Variants in TMEM117 observed in about 807,000 individuals in gnomAD.
The protein encoded by TMEM117 is transmembrane protein 117.
TMEM117 carries 27 observed loss-of-function variants against 52.4 expected under a neutral mutation model. The ratio of observed to expected loss-of-function variants is 0.51; its 90% confidence interval spans 0.38 to 0.71. The LOEUF (loss-of-function observed/expected upper bound fraction) is 0.71. TMEM117 is among the 30% of genes least tolerant of loss of function. The probability of loss-of-function intolerance (pLI) is 0.00; values close to 1 mark genes in which losing one functional copy is unlikely to be tolerated. For missense variants in TMEM117, 556 were observed against 630.5 expected, an observed-to-expected ratio of 0.88 and a Z score of 1.26; for synonymous variants, 215 against 206.3, an observed-to-expected ratio of 1.04 and a Z score of -0.36.
chr12:44,178,063 A>G (rs544822487), intron 4 of TMEM117, among the ~76,000 whole-genome samples: 25 of 152,252 alleles, frequency 1.6e-4, no homozygotes, highest in African/African-American at 4.3e-4. Flanking sequence ...CATCTACAAC[A>G]TCTTGTTATT....
intron 4 of TMEM117, among the ~76,000 whole-genome samples, chr12:44,154,805 TA>T (rs113409705): frequency 3.3e-5 from 5 of 151,540 alleles, no homozygotes; most frequent in South Asian, 2.1e-4. Context: ...TGATTTTTTT[TA>T]AAAAAAATAA....
chr12:43,810,624 A>G, the TMEM117 span, among the ~76,000 whole-genome samples: 2 of 152,170 alleles, frequency 1.3e-5, no homozygotes, highest in African/African-American at 4.8e-5. Flanking sequence ...TTTTTAAAAT[A>G]AATTCAAGAA....
chr12:44,210,585 A>G (rs563103681), intron 4 of TMEM117, among the ~76,000 whole-genome samples: 1 of 152,308 alleles, frequency 6.6e-6, no homozygotes, highest in South Asian at 2.1e-4. Flanking sequence ...GTGAAGAGAG[A>G]AAAAAGCATA....
At chr12:43,982,413 C>T (rs914193161) in intron 3 of TMEM117, among the ~76,000 whole-genome samples, 6 of 152,188 alleles carry the variant, frequency 3.9e-5, no homozygotes, top group Admixed American at 2.6e-4. Context: ...TGAGTCTACA[C>T]ACTGGCTTCA....
chr12:44,356,941 A>G (rs1592715540), intron 6 of TMEM117, among the ~76,000 whole-genome samples: 1 of 152,236 alleles, frequency 6.6e-6, no homozygotes, highest in African/African-American at 2.4e-5. Flanking sequence ...AATCCCTGTT[A>G]GCTTCATTGC....
chr12:44,362,580 A>T lies in TMEM117; in HGVS notation c.769-14015A>T, dbSNP rs546984225. On this transcript the variant is annotated intron_variant, in intron 6 of 7. Coordinates refer to ENST00000266534, the MANE Select transcript of TMEM117 (RefSeq NM_032256.3). ...GGCACAAATAAAAGACAAAATAATT[A>T]AAAAAAAAAAGCAAAGGAAAGAGAT... 1.9e-3 allele frequency among the ~76,000 whole-genome samples: 257 copies of T among 138,584 alleles called. 1 individual carries two copies. Among genetic ancestry groups the T allele is most frequent in the Middle Eastern group, 0.014 (4 of 278 alleles). The allele number at this position is 138,584 out of a possible 152,430, so 90.9% of individuals were successfully genotyped here.
intron 3 of TMEM117, among the ~76,000 whole-genome samples, chr12:44,042,952 CA>C (rs1339448126): frequency 6.6e-6 from 1 of 152,048 alleles, no homozygotes; most frequent in Non-Finnish European, 1.5e-5. Flanking sequence ...GATTAGACCC[CA>C]AAATGCTAAG....
chr12:44,197,758 T>G (rs1949440396), intron 4 of TMEM117, among the ~76,000 whole-genome samples: 1 of 152,188 alleles, frequency 6.6e-6, no homozygotes, highest in Non-Finnish European at 1.5e-5. Flanking sequence ...AAATGCTTCT[T>G]TATTCTGAGA....
chr12:43,797,287 C>G, the TMEM117 span: 1 of 1,566,056 alleles, frequency 6.4e-7, no homozygotes, highest in South Asian at 1.2e-5. Context: ...GTGTTAAAAA[C>G]AATGTATCAT....
intron 5 of TMEM117, among the ~76,000 whole-genome samples, chr12:44,243,782 C>A (rs1048990089): frequency 2.0e-5 from 3 of 151,644 alleles, no homozygotes; most frequent in Non-Finnish European, 4.4e-5. Flanking sequence ...TCCCCATCCA[C>A]CCCCCACCCT....
intron 6 of TMEM117, among the ~76,000 whole-genome samples, chr12:44,347,019 GA>G (rs1336599602): frequency 9.9e-5 from 15 of 151,968 alleles, no homozygotes; most frequent in African/African-American, 3.6e-4. Flanking sequence ...TTAGACAACT[GA>G]ATATAATTCA....
intron 3 of TMEM117, among the ~76,000 whole-genome samples, chr12:44,076,933 C>T (rs1465458231): frequency 6.6e-6 from 1 of 152,054 alleles, no homozygotes; most frequent in African/African-American, 2.4e-5. Flanking sequence ...AATGAAGGCC[C>T]AACTAAGAAG....
At chr12:44,391,037 T>C (rs570109892), downstream of TMEM117, among the ~76,000 whole-genome samples, 1 of 152,124 alleles carries the variant, frequency 6.6e-6, no homozygotes, top group Non-Finnish European at 1.5e-5. Context: ...AAAAAATTAC[T>C]AAGCACAGAT....
intron 3 of TMEM117, among the ~76,000 whole-genome samples, chr12:43,979,571 T>C (rs1276142691): frequency 6.6e-6 from 1 of 152,150 alleles, no homozygotes; most frequent in African/African-American, 2.4e-5. Context: ...ATAAAAGCAG[T>C]CTTTTAAGTC....
At chr12:44,362,861 T>C (rs1951740079) in intron 6 of TMEM117, among the ~76,000 whole-genome samples, 1 of 151,788 alleles carries the variant, frequency 6.6e-6, no homozygotes. Flanking sequence ...TTTGGTTGGT[T>C]GCTTGTTTTG....
intron 4 of TMEM117, among the ~76,000 whole-genome samples, chr12:44,179,257 G>C (rs1239385711): frequency 6.7e-6 from 1 of 150,348 alleles, no homozygotes; most frequent in Admixed American, 6.6e-5. Context: ...GAGAGAATTG[G>C]CTTACACAAT....
At chr12:44,043,953 G>A (rs1246392187) in intron 3 of TMEM117, among the ~76,000 whole-genome samples, 1 of 152,108 alleles carries the variant, frequency 6.6e-6, no homozygotes, top group African/African-American at 2.4e-5. Flanking sequence ...AGTTAAAAAA[G>A]GTTCTAATAG....
At chr12:44,238,759 G>T (rs528457289) in intron 5 of TMEM117, among the ~76,000 whole-genome samples, 1 of 152,262 alleles carries the variant, frequency 6.6e-6, no homozygotes, top group Non-Finnish European at 1.5e-5. Flanking sequence ...CATCTGTGGA[G>T]TTCAAAGAAC....
intron 3 of TMEM117, among the ~76,000 whole-genome samples, chr12:44,096,065 T>C (rs1947755319): frequency 2.0e-5 from 3 of 152,012 alleles, no homozygotes; most frequent in East Asian, 3.9e-4. Context: ...CATTCTTATA[T>C]ACCAATAACA....
Sources: allele counts gnomAD v4.1 joint callset (sites outside exome capture counted in the v4.1 genomes callset), GRCh38; gene constraint gnomAD v4.1.1; transcripts MANE v1.5; gene names NCBI Gene and HGNC (gene_info 2026-07-23, HGNC 2026-07-21).